Variants in S100Z observed in about 807,000 individuals in gnomAD.
The protein encoded by S100Z is protein S100-Z.
S100Z carries 11 observed loss-of-function variants against 8.5 expected under a neutral mutation model. The ratio of observed to expected loss-of-function variants is 1.30; its 90% confidence interval spans 0.82 to 2.15. The LOEUF is 2.15. Among genes scored for constraint, S100Z ranks in the 30% most tolerant of loss-of-function variants. The pLI, the probability that S100Z is intolerant of heterozygous loss-of-function variation, is 0.00. For missense variants in S100Z, 126 were observed against 117.9 expected (o/e 1.07, Z -0.32); for synonymous variants, 34 against 43.8 (o/e 0.78, Z 0.89).
downstream of S100Z, among the ~76,000 whole-genome samples, chr5:76,923,471 T>C (rs1048402006): frequency 2.0e-5 from 3 of 152,200 alleles, no homozygotes; most frequent in Non-Finnish European, 2.9e-5. Context: ...ATCTAATGCC[T>C]AGTTGCCCAC....
At chr5:76,891,241 A>G (rs1252586655) in intron 4 of S100Z, among the ~76,000 whole-genome samples, 3 of 152,248 alleles carry the variant, frequency 2.0e-5, no homozygotes, top group African/African-American at 4.8e-5. Flanking sequence ...TCTTAAAAGC[A>G]GTAGGTTTGA....
the S100Z span, among the ~76,000 whole-genome samples, chr5:76,940,544 CT>C: frequency 6.6e-6 from 1 of 152,144 alleles, no homozygotes; most frequent in South Asian, 2.1e-4. Context: ...TCCTGAGTAG[CT>C]GGGATTACAG....
intron 1 of S100Z, among the ~76,000 whole-genome samples, chr5:76,865,130 G>A (rs1751221560): frequency 6.6e-6 from 1 of 152,066 alleles, no homozygotes; most frequent in Admixed American, 6.6e-5. Context: ...CTCCACAGGT[G>A]TTATTGTCCC....
chr5:76,925,077 C>T (rs552137638), downstream of S100Z, among the ~76,000 whole-genome samples: 4 of 152,024 alleles, frequency 2.6e-5, no homozygotes, highest in Admixed American at 6.6e-5. Flanking sequence ...ATGTTGTTGG[C>T]AGAATGCTTC....
At chr5:76,888,703 A>T (rs1276259221) in intron 4 of S100Z, among the ~76,000 whole-genome samples, 2 of 152,100 alleles carry the variant, frequency 1.3e-5, no homozygotes, top group East Asian at 3.9e-4. Flanking sequence ...GGCGTGAGCC[A>T]CCGTGTCTGA....
chr5:76,887,284 A>G (rs1254702566), intron 4 of S100Z, among the ~76,000 whole-genome samples: 2 of 149,556 alleles, frequency 1.3e-5, no homozygotes, highest in Non-Finnish European at 3.0e-5. Flanking sequence ...TTTAGTAGAG[A>G]CAGGGTTTCA....
intron 4 of S100Z, among the ~76,000 whole-genome samples, chr5:76,916,953 C>G (rs922622720): frequency 2.0e-5 from 3 of 151,798 alleles, no homozygotes; most frequent in African/African-American, 7.3e-5. Flanking sequence ...TAGTTAAACC[C>G]CATCTCTACT....
rs931998249 is a variant in S100Z at position 76,920,733 on chromosome 5, A to C, written c.*19A>C. 2 of 152,242 alleles carry C rather than the reference A, an allele frequency of 1.3e-5. No homozygotes were observed. The highest frequency in any genetic ancestry group is 4.8e-5 in the African/African-American group (2 of 41,454). The allele number at this position is 152,242 out of a possible 1,614,324, so 9.4% of individuals were successfully genotyped here. On this transcript the variant is annotated 3_prime_UTR_variant, in exon 5 of 5. Transcript: ENST00000317593. The stretch of plus-strand genomic sequence containing the variant: ...TGATTTCAGGAAGTTCGTGAATGCT[A>C]ATCAAGGGCTAAATAAAGTGGAAAG...
intron 4 of S100Z, among the ~76,000 whole-genome samples, chr5:76,895,442 A>G (rs754804671): frequency 9.2e-5 from 14 of 152,176 alleles, no homozygotes; most frequent in Non-Finnish European, 2.1e-4. Flanking sequence ...AGTGCCATCA[A>G]AGAAACAATT....
At chr5:76,873,053 TC>T (rs1288816931) in intron 2 of S100Z, among the ~76,000 whole-genome samples, 1 of 152,134 alleles carries the variant, frequency 6.6e-6, no homozygotes. Context: ...GCTATGGTCA[TC>T]CCCATTTAGA....
the S100Z span, among the ~76,000 whole-genome samples, chr5:76,942,445 C>CAAAAAAAAAAAAAAAA: frequency 1.8e-4 from 13 of 72,806 alleles, no homozygotes; most frequent in Admixed American, 1.5e-4. Flanking sequence ...AAAAAAAAAG[C>CAAAAAAAAAAAAAAAA]AAAAACCTCT....
downstream of S100Z, among the ~76,000 whole-genome samples, chr5:76,924,766 C>T (rs1002073477): frequency 2.0e-5 from 3 of 151,986 alleles, no homozygotes; most frequent in Non-Finnish European, 2.9e-5. Context: ...AAAAATTAGC[C>T]GGGCATGGTG....
intron 4 of S100Z, among the ~76,000 whole-genome samples, chr5:76,882,683 A>C (rs188874029): frequency 1.4e-4 from 21 of 152,252 alleles, no homozygotes; most frequent in African/African-American, 4.6e-4. Flanking sequence ...AATTATGTCG[A>C]GATAGGTAAT....
At chr5:76,890,640 C>T (rs1049459378) in intron 4 of S100Z, among the ~76,000 whole-genome samples, 1 of 151,924 alleles carries the variant, frequency 6.6e-6, no homozygotes, top group Admixed American at 6.6e-5. Context: ...AGAGTAAGAC[C>T]CGGTCTCAAA....
At chr5:76,936,933 C>A in the S100Z span, among the ~76,000 whole-genome samples, 1 of 152,134 alleles carries the variant, frequency 6.6e-6, no homozygotes, top group African/African-American at 2.4e-5. Context: ...AGCCCTTGAG[C>A]CCCTCATCCT....
intron 4 of S100Z, among the ~76,000 whole-genome samples, chr5:76,891,791 A>G (rs1384313017): frequency 6.6e-6 from 1 of 152,040 alleles, no homozygotes; most frequent in Non-Finnish European, 1.5e-5. Flanking sequence ...GAGGTGGGAG[A>G]CACCAAGGAA....
chr5:76,856,063 T>G (rs1002676367), intron 1 of S100Z, among the ~76,000 whole-genome samples: 1 of 152,178 alleles, frequency 6.6e-6, no homozygotes, highest in Non-Finnish European at 1.5e-5. Flanking sequence ...TTCCTCCTCC[T>G]CCGGCCACAT....
Position 76,897,345 on chromosome 5 carries a change from A to G in S100Z, c.*2+19511A>G, listed in dbSNP as rs536803202. On this transcript the variant is annotated intron_variant, in intron 4 of 4. Transcript: ENST00000317593. ...TAGTCGCAGCTACTTGTAGAGGCTG[A>G]GGCAGGAGAATGGTGTGAACCCAGG... 7.2e-5 allele frequency among the ~76,000 whole-genome samples: 11 copies of G among 152,142 alleles called. No homozygotes were observed. The South Asian group carries it at 1.7e-3, about 23-fold the overall frequency.
chr5:76,898,220 G>A (rs992121160), intron 4 of S100Z, among the ~76,000 whole-genome samples: 8 of 151,270 alleles, frequency 5.3e-5, no homozygotes, highest in Admixed American at 2.0e-4. Flanking sequence ...GCATGATCTC[G>A]GCTCACTGCA....
Sources: gnomAD v4.1 joint callset for allele counts (sites outside exome capture counted in the v4.1 genomes callset) on GRCh38, gnomAD v4.1.1 for gene constraint, MANE v1.5 for transcripts, NCBI Gene and HGNC (gene_info 2026-07-23, HGNC 2026-07-21) for gene names.